ZNF81: variants seen among roughly 807,000 people sequenced by gnomAD.
ZNF81 encodes the protein zinc finger protein 81.
Under a neutral mutation model 32.3 loss-of-function variants are expected in ZNF81, and 5 were observed. The observed-to-expected ratio is 0.15, with a 90% CI of 0.08 to 0.33. ZNF81 has a LOEUF of 0.33. ZNF81 is among the 10% of genes least tolerant of loss of function. ZNF81 has a pLI of 1.00. For missense variants in ZNF81, 379 were observed against 479.8 expected (o/e 0.79, Z 1.96); for synonymous variants, 163 against 166.8 (o/e 0.98, Z 0.17).
chrX:47,884,926 C>G (rs1171843780), intron 2 of ZNF81, among the ~76,000 whole-genome samples: 4 of 111,784 alleles, frequency 3.6e-5, no homozygotes, highest in Non-Finnish European at 7.5e-5. Flanking sequence ...TGAGCAAACT[C>G]TTTTGTTGCC....
At chrX:47,900,102 T>C (rs891016214) in intron 4 of ZNF81, among the ~76,000 whole-genome samples, 1 of 111,213 alleles carries the variant, frequency 9.0e-6, no homozygotes, top group African/African-American at 3.3e-5. Context: ...GTCAAAGAGA[T>C]TTAAAAATTT....
At chrX:47,914,349 A>G (rs1362000069) in intron 4 of ZNF81, among the ~76,000 whole-genome samples, 1 of 112,379 alleles carries the variant, frequency 8.9e-6, no homozygotes, top group Non-Finnish European at 1.9e-5. Context: ...ATGTACAGTC[A>G]TGTACCACAT....
chrX:47,859,015 C>T (rs1556882214), intron 2 of ZNF81, among the ~76,000 whole-genome samples: 1 of 109,204 alleles, frequency 9.2e-6, no homozygotes, highest in African/African-American at 3.3e-5. Flanking sequence ...TTGCTTGAAC[C>T]CAGGAGGCAG....
chrX:47,872,259 G>A (rs782770448), intron 2 of ZNF81, among the ~76,000 whole-genome samples: 2 of 111,937 alleles, frequency 1.8e-5, no homozygotes, highest in Non-Finnish European at 3.8e-5. Context: ...CAGTATTAGA[G>A]TTTGTTTAGT....
chrX:47,848,038 C>T (rs1195379166), intron 2 of ZNF81, among the ~76,000 whole-genome samples: 1 of 110,336 alleles, frequency 9.1e-6, no homozygotes, highest in African/African-American at 3.3e-5. Context: ...CCTCAGCCTC[C>T]CGACTAGCTG....
chrX:47,861,263 C>T (rs1556882527), intron 2 of ZNF81, among the ~76,000 whole-genome samples: 1 of 111,602 alleles, frequency 9.0e-6, no homozygotes, highest in Non-Finnish European at 1.9e-5. Context: ...TATGGAACAC[C>T]TGTTAGAGTC....
chrX:47,883,973 C>T (rs905438024), intron 2 of ZNF81, among the ~76,000 whole-genome samples: 3 of 110,468 alleles, frequency 2.7e-5, no homozygotes, highest in East Asian at 2.9e-4. Context: ...TGTGGCTGGG[C>T]GTGGTGGCTC....
rs1556890823 is a variant in ZNF81, at chrX:47,916,224, T to C, written c.1578T>C (p.Tyr526=). The change falls in exon 5 of 5, where the codon TAT becomes TAC. Residue 526 remains tyrosine, a synonymous_variant. Coordinates refer to ENST00000338637, the MANE Select transcript of ZNF81 (RefSeq NM_007137.5). ...HQKSHTGEKS[Y]ICAECGKAFT... is the part of the protein sequence containing the mutation. The stretch of plus-strand genomic sequence containing the variant: ...AGTCTCATACTGGAGAAAAGTCTTA[T>C]ATATGTGCTGAATGTGGGAAGGCCT... The C allele has an allele frequency of 8.3e-7, 1 of 1,211,253 alleles. No homozygotes were observed. The highest frequency in any genetic ancestry group is 1.7e-5 in the African/African-American group (1 of 57,647).
intron 4 of ZNF81, among the ~76,000 whole-genome samples, chrX:47,906,849 A>G (rs1212402185): frequency 3.5e-5 from 4 of 112,782 alleles, no homozygotes; most frequent in African/African-American, 1.3e-4. Context: ...TAACCTCTTG[A>G]ATGCAATAGC....
chrX:47,902,781 C>T (rs2058703253), intron 4 of ZNF81, among the ~76,000 whole-genome samples: 1 of 111,735 alleles, frequency 8.9e-6, no homozygotes, highest in South Asian at 3.7e-4. Context: ...TGGGGCCGGG[C>T]GCAGTGGCTC....
chrX:47,849,996 A>G, intron 2 of ZNF81, among the ~76,000 whole-genome samples: 1 of 112,012 alleles, frequency 8.9e-6, no homozygotes, highest in East Asian at 2.8e-4. Flanking sequence ...GTACAATGAC[A>G]AGTGTTAGGA....
At chrX:47,881,323 C>T (rs1359469564) in intron 2 of ZNF81, among the ~76,000 whole-genome samples, 3 of 111,740 alleles carry the variant, frequency 2.7e-5, no homozygotes, top group African/African-American at 9.8e-5. Flanking sequence ...CCTTTCTTTC[C>T]TTGCAGTTAG....
intron 4 of ZNF81, among the ~76,000 whole-genome samples, chrX:47,902,565 G>A (rs1450960456): frequency 8.9e-6 from 1 of 112,255 alleles, no homozygotes; most frequent in Non-Finnish European, 1.9e-5. Flanking sequence ...AAAGCTGTTT[G>A]CATCAAATTT....
At position 47,923,026 on chromosome X, in the gene ZNF81, C is replaced by T. The variant is rs2058781837; in HGVS notation, c.*6394C>T. The stretch of plus-strand genomic sequence containing the variant: ...ACTAGTTATATTGGAGTGGGGTTCA[C>T]TTTAATGGCCCCATTTTAACTTAAT... On this transcript the variant is annotated 3_prime_UTR_variant, in exon 5 of 5. Coordinates refer to ENST00000338637, the MANE Select transcript of ZNF81 (RefSeq NM_007137.5). 8.9e-6 allele frequency among the ~76,000 whole-genome samples: 1 copy of T among 111,863 alleles called. No homozygotes were observed. The highest frequency in any genetic ancestry group is 1.9e-5 in the Non-Finnish European group (1 of 53,167).
chrX:47,860,968 G>A, intron 2 of ZNF81: 1 of 112,226 alleles, frequency 8.9e-6, no homozygotes, highest in Non-Finnish European at 1.9e-5. Context: ...AGCATCTTTT[G>A]TTCTAATCAG....
intron 3 of ZNF81, among the ~76,000 whole-genome samples, chrX:47,889,329 G>A (rs150182529): frequency 2.6e-3 from 289 of 112,447 alleles, no homozygotes; most frequent in Non-Finnish European, 4.6e-3. Context: ...GATTCTATAA[G>A]CAGGAAATGT....
Position 47,918,935 on chromosome X carries a change from A to G in ZNF81, c.*2303A>G, listed in dbSNP as rs1377216788. Reference sequence around the variant, plus strand: ...TGTCTATTACAGTTATCCTGTACCTATCCCACCATTGTATATATTGGGTGT... The same window carrying G: ...TGTCTATTACAGTTATCCTGTACCTGTCCCACCATTGTATATATTGGGTGT... On this transcript the variant is annotated 3_prime_UTR_variant, in exon 5 of 5. Coordinates refer to ENST00000338637, the MANE Select transcript of ZNF81 (RefSeq NM_007137.5). 1 of 234,603 alleles carries G rather than the reference A, an allele frequency of 4.3e-6. No individual in the cohort carries two copies. Among genetic ancestry groups the G allele is most frequent in the African/African-American group, 2.9e-5 (1 of 34,224 alleles). The allele number at this position is 234,603 out of a possible 1,213,427, so 19.3% of individuals were successfully genotyped here.
rs2058773289 is a variant in ZNF81 at position 47,920,639 on chromosome X, G to A, written c.*4007G>A. ...AGGATTTTGTTCTGTAGGGGAGTAG[G>A]GTTTCATTGGAGCTTTGTGCCATTT... On this transcript the variant is annotated 3_prime_UTR_variant, in exon 5 of 5. Coordinates refer to ENST00000338637, the MANE Select transcript of ZNF81 (RefSeq NM_007137.5). The A allele has an allele frequency of 9.1e-6, 1 of 110,319 alleles. No individual in the cohort carries two copies. The highest frequency in any genetic ancestry group is 3.3e-5 in the African/African-American group (1 of 30,229). 9.1% of individuals were successfully genotyped at this position (110,319 alleles called of 1,213,427 possible).
intron 4 of ZNF81, among the ~76,000 whole-genome samples, chrX:47,912,819 A>T (rs1229259558): frequency 9.0e-6 from 1 of 110,521 alleles, no homozygotes; most frequent in Admixed American, 9.7e-5. Flanking sequence ...TTTCTCTCAA[A>T]TTCTCTTGAT....
Sources: allele counts gnomAD v4.1 joint callset (sites outside exome capture counted in the v4.1 genomes callset), GRCh38; gene constraint gnomAD v4.1.1; transcripts MANE v1.5; gene names NCBI Gene and HGNC (gene_info 2026-07-23, HGNC 2026-07-21).